The following ABLIM1 variants were observed in gnomAD, a reference collection of about 807,000 sequenced individuals.
ABLIM1 encodes the protein actin binding LIM protein 1.
Under a neutral mutation model 107.0 loss-of-function variants are expected in ABLIM1, and 40 were observed. That is an observed-to-expected ratio of 0.37 (90% CI 0.29 to 0.49). The LOEUF (loss-of-function observed/expected upper bound fraction) is 0.49. Ranked by LOEUF, ABLIM1 falls within the 20% of genes least tolerant of loss-of-function variation. The pLI, the probability that ABLIM1 is intolerant of heterozygous loss-of-function variation, is 0.97. For missense variants in ABLIM1, 857 were observed against 1,008.5 expected (o/e 0.85, Z 2.04); for synonymous variants, 357 against 357.3 (o/e 1.00, Z 0.01).
intron 2 of ABLIM1, among the ~76,000 whole-genome samples, chr10:114,598,671 A>G: frequency 6.6e-6 from 1 of 152,186 alleles, no homozygotes. Context: ...GGTGGCATGA[A>G]AAAAAAGAAT....
At chr10:114,686,505 C>A (rs1362846305), upstream of ABLIM1, among the ~76,000 whole-genome samples, 2 of 148,454 alleles carry the variant, frequency 1.3e-5, no homozygotes, top group African/African-American at 4.9e-5. Context: ...AGGGTGAGAC[C>A]CCGTCTCAAA....
chr10:114,751,598 A>C (rs1566303249), intron 1 of ABLIM1, among the ~76,000 whole-genome samples: 1 of 151,974 alleles, frequency 6.6e-6, no homozygotes, highest in Admixed American at 6.6e-5. Flanking sequence ...AAAAATACAA[A>C]AATTAGCTGG....
intron 7 of ABLIM1, among the ~76,000 whole-genome samples, chr10:114,490,555 C>T (rs1040759027): frequency 2.6e-5 from 4 of 152,112 alleles, no homozygotes; most frequent in African/African-American, 7.2e-5. Context: ...CACAACGGAA[C>T]GAGCAATAGC....
chr10:114,567,332 T>C (rs542836741), intron 4 of ABLIM1, among the ~76,000 whole-genome samples: 1 of 152,354 alleles, frequency 6.6e-6, no homozygotes, highest in Admixed American at 6.5e-5. Context: ...ATTGGGCAAA[T>C]TATTTAACCT....
chr10:114,704,302 C>CTCTATATATA (rs1380460034), intron 1 of ABLIM1, among the ~76,000 whole-genome samples: 2 of 43,090 alleles, frequency 4.6e-5, no homozygotes, highest in African/African-American at 1.7e-4. Flanking sequence ...CTCTCTCTCT[C>CTCTATATATA]TATATATATA....
the ABLIM1 span, among the ~76,000 whole-genome samples, chr10:114,784,665 C>CAAAAAAAAAAAAAAAAGAAAAAAAAA: frequency 1.1e-5 from 1 of 87,998 alleles, no homozygotes; most frequent in Non-Finnish European, 2.1e-5. Flanking sequence ...AGACTCACCT[C>CAAAAAAAAAAAAAAAAGAAAAAAAAA]AAAAAAAAAA....
At chr10:114,574,721 G>A (rs1320385557) in intron 3 of ABLIM1, among the ~76,000 whole-genome samples, 1 of 152,082 alleles carries the variant, frequency 6.6e-6, no homozygotes, top group African/African-American at 2.4e-5. Flanking sequence ...GGATTATAAG[G>A]GTGAGCCACC....
chr10:114,695,983 T>C (rs1333642997), intron 1 of ABLIM1, among the ~76,000 whole-genome samples: 5 of 152,244 alleles, frequency 3.3e-5, no homozygotes, highest in Admixed American at 1.3e-4. Context: ...TACTTCTGCA[T>C]GCCTGTGAAA....
chr10:114,664,534 A>T (rs894837381), intron 1 of ABLIM1, among the ~76,000 whole-genome samples: 8 of 151,854 alleles, frequency 5.3e-5, no homozygotes, highest in Non-Finnish European at 4.4e-5. Flanking sequence ...TCTCTTTTTT[A>T]AAAAATGTTA....
At chr10:114,710,574 G>A (rs564471017) in intron 1 of ABLIM1, among the ~76,000 whole-genome samples, 1 of 152,252 alleles carries the variant, frequency 6.6e-6, no homozygotes, top group East Asian at 1.9e-4. Flanking sequence ...AATTCAAGAT[G>A]AGATTTGGGT....
chr10:114,483,014 C>G (rs190700122), intron 8 of ABLIM1, among the ~76,000 whole-genome samples: 1 of 152,306 alleles, frequency 6.6e-6, no homozygotes, highest in East Asian at 1.9e-4. Context: ...CTGAGCAACA[C>G]TCATTTAAAG....
intron 1 of ABLIM1, among the ~76,000 whole-genome samples, chr10:114,747,718 A>G (rs1283657720): frequency 6.6e-6 from 1 of 152,244 alleles, no homozygotes; most frequent in African/African-American, 2.4e-5. Flanking sequence ...AAAGTCTACA[A>G]AGAGCATTAC....
chr10:114,646,237 G>A (rs2079008125), intron 1 of ABLIM1, among the ~76,000 whole-genome samples: 2 of 152,108 alleles, frequency 1.3e-5, no homozygotes, highest in Non-Finnish European at 2.9e-5. Flanking sequence ...TATACTAAGA[G>A]CACTGAGCAT....
the ABLIM1 span, among the ~76,000 whole-genome samples, chr10:114,790,523 C>T: frequency 6.6e-6 from 1 of 152,142 alleles, no homozygotes; most frequent in African/African-American, 2.4e-5. Context: ...CTATGGAATA[C>T]AAAAATAAGA....
intron 11 of ABLIM1, among the ~76,000 whole-genome samples, chr10:114,466,278 C>T (rs1223580589): frequency 6.6e-6 from 1 of 151,992 alleles, no homozygotes; most frequent in Non-Finnish European, 1.5e-5. Context: ...CCAGTGCACT[C>T]CAGCCTGGAC....
intron 1 of ABLIM1, among the ~76,000 whole-genome samples, chr10:114,694,241 CA>C (rs1344431888): frequency 2.0e-5 from 3 of 152,218 alleles, no homozygotes; most frequent in African/African-American, 7.2e-5. Flanking sequence ...TAGCAAACCA[CA>C]GCTGAGCTGT....
chr10:114,472,923 G>A, intron 10 of ABLIM1, 54 bp downstream of exon 10: 1 of 1,455,038 alleles, frequency 6.9e-7, no homozygotes. Flanking sequence ...TTACAAATGT[G>A]ACAAAAGGGA....
intron 6 of ABLIM1, among the ~76,000 whole-genome samples, chr10:114,526,337 G>A (rs1021661649): frequency 2.0e-5 from 3 of 152,112 alleles, no homozygotes; most frequent in Non-Finnish European, 4.4e-5. Flanking sequence ...AATCTTGCGG[G>A]TAGCAGCCTA....
intron 6 of ABLIM1, among the ~76,000 whole-genome samples, chr10:114,540,608 G>T (rs1169385617): frequency 6.6e-6 from 1 of 152,166 alleles, no homozygotes; most frequent in Non-Finnish European, 1.5e-5. Context: ...TGAACAACCT[G>T]CCCCAAGTCA....
Sources: allele counts gnomAD v4.1 joint callset (sites outside exome capture counted in the v4.1 genomes callset), GRCh38; gene constraint gnomAD v4.1.1; transcripts MANE v1.5; gene names NCBI Gene and HGNC (gene_info 2026-07-23, HGNC 2026-07-21).